Variants in INPP1 observed in about 807,000 individuals in gnomAD.
The protein encoded by INPP1 is inositol polyphosphate-1-phosphatase.
INPP1 carries 18 observed loss-of-function variants against 23.0 expected under a neutral mutation model. That is an observed-to-expected ratio of 0.78 (90% CI 0.54 to 1.16). The LOEUF (loss-of-function observed/expected upper bound fraction) is 1.16. Ranked by LOEUF, INPP1 falls within the 50% of genes most tolerant of loss-of-function variation. The pLI is 0.00. For synonymous variants in INPP1, 164 were observed against 176.3 expected, an observed-to-expected ratio of 0.93 and a Z score of 0.55; for missense variants, 448 against 482.1, an observed-to-expected ratio of 0.93 and a Z score of 0.66.
chr2:190,350,403 A>C (rs1327565138), intron 2 of INPP1, among the ~76,000 whole-genome samples: 2 of 152,142 alleles, frequency 1.3e-5, no homozygotes, highest in African/African-American at 2.4e-5. Context: ...TGTTTCCTTA[A>C]ATTGTTGGAT....
intron 6 of INPP1, 78 bp downstream of exon 6, chr2:190,369,355 C>G (rs1053247260): frequency 2.3e-5 from 16 of 694,220 alleles, no homozygotes; most frequent in Middle Eastern, 5.1e-4. Flanking sequence ...AGGATTATCA[C>G]TATATGACAT....
chr2:190,367,300 T>C lies in INPP1; in HGVS notation c.466+405T>C, dbSNP rs151200120. 6.6e-6 allele frequency among the ~76,000 whole-genome samples: 1 copy of C among 152,130 alleles called. No individual in the cohort carries two copies. The highest frequency in any genetic ancestry group is 1.5e-5 in the Non-Finnish European group (1 of 68,018). On this transcript the variant is annotated intron_variant, in intron 5 of 6. Coordinates refer to ENST00000392329, the MANE Select transcript of INPP1 (RefSeq NM_001128928.2). The surrounding 1 kb of genome is among the most constrained non-coding windows in gnomAD (Gnocchi z 4.1). ...ACTTAGCTTTAGCAGATTGTTACCA[T>C]ATGGGAGTACAGGCCAGCTCTTCAG...
chr2:190,362,857 C>T, intron 4 of INPP1, 170 bp downstream of exon 4: 1 of 438,582 alleles, frequency 2.3e-6, no homozygotes, highest in East Asian at 3.6e-5. Flanking sequence ...TGCCATTTAA[C>T]TTAAGTAGAG....
chr2:190,360,449 CCTT>C (rs1484574624), intron 3 of INPP1, 143 bp downstream of exon 3: 8 of 633,678 alleles, frequency 1.3e-5, no homozygotes, highest in East Asian at 2.8e-5. Flanking sequence ...TTTTCTTCCT[CCTT>C]GTCATGATTA....
chr2:190,351,206 A>G (rs1689318211), intron 2 of INPP1, among the ~76,000 whole-genome samples: 1 of 152,220 alleles, frequency 6.6e-6, no homozygotes, highest in Admixed American at 6.5e-5. Flanking sequence ...GCTGGGATAG[A>G]GATTTGGCCC....
At position 190,371,036 on chromosome 2, in the gene INPP1, T is replaced by A; in HGVS notation, c.834T>A (p.Arg278=). 6.2e-7 allele frequency: 1 copy of A among 1,614,174 alleles called. No homozygotes were observed. The highest frequency in any genetic ancestry group is 8.5e-7 in the Non-Finnish European group (1 of 1,180,022). ...AGACTATCAAAGCTGCATTGTCACGTGTGTGTGGAGATCGCATATTTGGGG... is the reference window on the plus strand; with the variant it reads ...AGACTATCAAAGCTGCATTGTCACGAGTGTGTGGAGATCGCATATTTGGGG... ...EKETIKAALS[R]VCGDRIFGAA... is the part of the protein sequence containing the mutation. Residue 278 remains arginine (R), a synonymous_variant, in exon 7 of 7, where the codon CGT becomes CGA. Coordinates refer to ENST00000392329, the MANE Select transcript of INPP1 (RefSeq NM_001128928.2). This position sits in a 1 kb window ranked among gnomAD's most constrained non-coding sequence, Gnocchi z 5.3.
intron 3 of INPP1, among the ~76,000 whole-genome samples, chr2:190,361,063 T>C (rs554485985): frequency 2.5e-4 from 38 of 152,348 alleles, no homozygotes; most frequent in African/African-American, 8.7e-4. Context: ...TCTAAAGTCG[T>C]CGTTAAATAT....
intron 4 of INPP1, among the ~76,000 whole-genome samples, chr2:190,364,680 T>C (rs1380091552): frequency 7.4e-6 from 1 of 135,286 alleles, no homozygotes; most frequent in African/African-American, 2.8e-5. Context: ...AGCCTCCGCC[T>C]CCCAAATTCA....
chr2:190,366,921 C>T (rs1559085721), intron 5 of INPP1, 26 bp downstream of exon 5: 1 of 1,489,774 alleles, frequency 6.7e-7, no homozygotes, highest in South Asian at 1.1e-5. Context: ...TATGTTTGTT[C>T]TTATTTGCAA....
In INPP1 at chr2:190,371,039, G is replaced by A. The variant is rs758885172; in HGVS notation, c.837G>A (p.Val279=). The A allele has an allele frequency of 5.7e-5, 92 of 1,614,232 alleles. No individual in the cohort carries two copies. The highest frequency in any genetic ancestry group is 7.8e-5 in the Non-Finnish European group (92 of 1,180,040). ...CTATCAAAGCTGCATTGTCACGTGT[G>A]TGTGGAGATCGCATATTTGGGGCAG... ...KETIKAALSR[V]CGDRIFGAAG... The change falls in exon 7 of 7, where the codon GTG becomes GTA. Residue 279 remains valine, a synonymous_variant. Coordinates refer to ENST00000392329, the MANE Select transcript of INPP1 (RefSeq NM_001128928.2). This position sits in a 1 kb window ranked among gnomAD's most constrained non-coding sequence, Gnocchi z 5.3.
In INPP1 at chr2:190,371,105, C is replaced by A. The variant is rs773177065; in HGVS notation, c.903C>A (p.Leu301=). ...AGAGCCTATGTGTTGTCCAAGGCCT[C>A]GTTGACATTTACATCTTTTCAGAAG... ...GYKSLCVVQG[L]VDIYIFSEDT... The change falls in exon 7 of 7, where the codon CTC becomes CTA. Residue 301 remains leucine (L), a synonymous_variant. Coordinates refer to ENST00000392329, the MANE Select transcript of INPP1 (RefSeq NM_001128928.2). This position sits in a 1 kb window ranked among gnomAD's most constrained non-coding sequence, Gnocchi z 5.3. The A allele has an allele frequency of 6.2e-7, 1 of 1,614,192 alleles. No individual in the cohort carries two copies. Among genetic ancestry groups the A allele is most frequent in the South Asian group, 1.1e-5 (1 of 91,092 alleles).
chr2:190,366,585 G>GTC (rs781078225), intron 4 of INPP1, 110 bp from the exon 5 acceptor site: 11 of 784,864 alleles, frequency 1.4e-5, no homozygotes, highest in African/African-American at 5.4e-5. Flanking sequence ...CTCTCTCTCT[G>GTC]TCTCTCTCTC....
Position 190,371,156 on chromosome 2 carries a change from T to A in INPP1, c.954T>A (p.Cys318Ter). ...ATACCACATTCAAATGGGACTCTTGTGCTGCTCATGCCATACTGAGGGCCA... is the reference window on the plus strand; with the variant it reads ...ATACCACATTCAAATGGGACTCTTGAGCTGCTCATGCCATACTGAGGGCCA... Reference protein sequence around the residue: ...SEDTTFKWDSCAAHAILRAMG... With the variant: ...SEDTTFKWDS The change falls in exon 7 of 7, where the codon TGT becomes TGA. Residue 318 changes from cysteine to a stop codon, truncating the protein, a stop_gained. Coordinates refer to ENST00000392329, the MANE Select transcript of INPP1 (RefSeq NM_001128928.2). LOFTEE classifies it low-confidence loss of function (END_TRUNC). The surrounding 1 kb of genome is among the most constrained non-coding windows in gnomAD (Gnocchi z 5.3). 2 of 1,614,222 alleles carry A rather than the reference T, an allele frequency of 1.2e-6. No homozygotes were observed. The highest frequency in any genetic ancestry group is 1.7e-6 in the Non-Finnish European group (2 of 1,180,042).
At chr2:190,351,572 C>T (rs1689324203) in intron 2 of INPP1, among the ~76,000 whole-genome samples, 1 of 152,220 alleles carries the variant, frequency 6.6e-6, no homozygotes, top group Admixed American at 6.5e-5. Flanking sequence ...CAGCATATAT[C>T]TTTTGTGCCT....
At chr2:190,348,578 CCTA>C (rs1689267941) in intron 1 of INPP1, among the ~76,000 whole-genome samples, 1 of 152,198 alleles carries the variant, frequency 6.6e-6, no homozygotes, top group Non-Finnish European at 1.5e-5. Flanking sequence ...TAACCACCAT[CCTA>C]CTTTCTGTCT....
At chr2:190,357,193 C>T (rs1689435334) in intron 2 of INPP1, among the ~76,000 whole-genome samples, 1 of 152,132 alleles carries the variant, frequency 6.6e-6, no homozygotes, top group South Asian at 2.1e-4. Context: ...AAGCTTTTTG[C>T]ATTATTACCG....
rs1420889031 is a variant in INPP1 at position 190,355,935 on chromosome 2, A to T, written c.-64-4104A>T. Among the ~76,000 whole-genome samples, 2 of 152,084 alleles carry T rather than the reference A, an allele frequency of 1.3e-5. No individual in the cohort carries two copies. Among genetic ancestry groups the T allele is most frequent in the Non-Finnish European group, 2.9e-5 (2 of 68,034 alleles). Reference sequence around the variant, plus strand: ...TGAACTTAGAATAAAAGTTGAAAAAATAAATAAATTAATTAAAAAATCATC... The same window carrying T: ...TGAACTTAGAATAAAAGTTGAAAAATTAAATAAATTAATTAAAAAATCATC... On this transcript the variant is annotated intron_variant, in intron 2 of 6. Transcript: ENST00000392329. This position sits in a 1 kb window ranked among gnomAD's most constrained non-coding sequence, Gnocchi z 5.1.
intron 4 of INPP1, among the ~76,000 whole-genome samples, chr2:190,365,998 GCTCT>G: frequency 5.1e-5 from 1 of 19,644 alleles, no homozygotes; most frequent in African/African-American, 3.3e-4. Context: ...GCTCTCTCTC[GCTCT>G]CTCGCTCTGT....
At chr2:190,366,157 GTC>G (rs1180216679) in intron 4 of INPP1, among the ~76,000 whole-genome samples, 1 of 119,332 alleles carries the variant, frequency 8.4e-6, no homozygotes, top group Admixed American at 8.5e-5. Context: ...CTCTTTCGCT[GTC>G]TCTCTCGCTC....
Sources: allele counts gnomAD v4.1 joint callset (sites outside exome capture counted in the v4.1 genomes callset), GRCh38; gene constraint gnomAD v4.1.1; non-coding constraint Gnocchi (gnomAD v3.1); transcripts MANE v1.5; gene names NCBI Gene and HGNC (gene_info 2026-07-23, HGNC 2026-07-21).